EVC2: variants seen among roughly 807,000 people sequenced by gnomAD.
The protein encoded by EVC2 is limbin.
In EVC2, 148 loss-of-function variants were observed where a neutral mutation model predicts 149.3. The observed-to-expected ratio is 0.99, with a 90% CI of 0.87 to 1.14. The LOEUF is 1.14. Among genes scored for constraint, EVC2 ranks in the 50% most tolerant of loss-of-function variants. The probability of loss-of-function intolerance (pLI) is 0.00; values close to 1 mark genes in which losing one functional copy is unlikely to be tolerated. For missense variants in EVC2, 1,854 were observed against 1,627.3 expected (o/e 1.14, Z -2.40); for synonymous variants, 776 against 649.9 (o/e 1.19, Z -2.95).
At chr4:5,648,082 TAC>T (rs1428069650) in intron 9 of EVC2, among the ~76,000 whole-genome samples, 1 of 152,218 alleles carries the variant, frequency 6.6e-6, no homozygotes, top group Non-Finnish European at 1.5e-5. Flanking sequence ...GATAATTTAA[TAC>T]ATTCATTTAA....
At chr4:5,656,073 T>C (rs1718501215) in intron 9 of EVC2, among the ~76,000 whole-genome samples, 1 of 152,182 alleles carries the variant, frequency 6.6e-6, no homozygotes, top group African/African-American at 2.4e-5. Flanking sequence ...GACCTTAGGC[T>C]CTTCCCTCTT....
intron 16 of EVC2, among the ~76,000 whole-genome samples, chr4:5,595,678 A>T (rs375313124): frequency 6.6e-6 from 1 of 152,154 alleles, no homozygotes; most frequent in Non-Finnish European, 1.5e-5. Context: ...CAAAATAACC[A>T]GCTAACATCA....
intron 1 of EVC2, among the ~76,000 whole-genome samples, chr4:5,706,968 C>A (rs1722241427): frequency 6.6e-6 from 1 of 152,146 alleles, no homozygotes; most frequent in Admixed American, 6.5e-5. Context: ...CTGGCAGGGA[C>A]CACCCTCAAC....
intron 7 of EVC2, among the ~76,000 whole-genome samples, chr4:5,671,213 G>A (rs1057241431): frequency 2.0e-5 from 3 of 152,208 alleles, no homozygotes; most frequent in Non-Finnish European, 4.4e-5. Context: ...AGAGTAAGTA[G>A]TAGACCCAAG....
At chr4:5,644,597 C>G (rs1020301954) in intron 9 of EVC2, among the ~76,000 whole-genome samples, 1 of 152,208 alleles carries the variant, frequency 6.6e-6, no homozygotes, top group African/African-American at 2.4e-5. Flanking sequence ...GCCACCGTGT[C>G]TGGCCACCAT....
intron 3 of EVC2, among the ~76,000 whole-genome samples, chr4:5,691,596 C>T (rs1254509685): frequency 2.6e-5 from 4 of 152,214 alleles, no homozygotes; most frequent in African/African-American, 7.2e-5. Context: ...TGTCACAGGG[C>T]TCAGCCAACC....
At chr4:5,668,444 A>G (rs768681652) in intron 7 of EVC2, among the ~76,000 whole-genome samples, 8 of 152,222 alleles carry the variant, frequency 5.3e-5, no homozygotes, top group Non-Finnish European at 1.0e-4. Context: ...TCTTGATCCT[A>G]AATCTTGAAT....
At chr4:5,579,235 C>T (rs1711542238) in intron 17 of EVC2, among the ~76,000 whole-genome samples, 1 of 152,052 alleles carries the variant, frequency 6.6e-6, no homozygotes, top group Admixed American at 6.6e-5. Flanking sequence ...GCTTTGGAGG[C>T]AGGTTTAAAG....
At chr4:5,537,692 T>C in the EVC2 span, among the ~76,000 whole-genome samples, 3 of 152,078 alleles carry the variant, frequency 2.0e-5, no homozygotes, top group African/African-American at 7.2e-5. Flanking sequence ...ACCGGGCAAG[T>C]AAAGAAGCAG....
At chr4:5,571,890 C>T (rs1166527939) in intron 19 of EVC2, among the ~76,000 whole-genome samples, 1 of 152,174 alleles carries the variant, frequency 6.6e-6, no homozygotes, top group Non-Finnish European at 1.5e-5. Context: ...AGCTGAAGGC[C>T]TGGAGAGAAC....
chr4:5,632,187 C>A (rs374286246), intron 10 of EVC2, among the ~76,000 whole-genome samples, 155 bp from the exon 11 acceptor site: 1 of 152,190 alleles, frequency 6.6e-6, no homozygotes, highest in African/African-American at 2.4e-5. Context: ...TACACACATG[C>A]GCATGCAGTG....
rs562272534 is a variant in EVC2 at position 5,630,346 on chromosome 4, G to A, written c.1710+1447C>T. Among the ~76,000 whole-genome samples, 341 of 152,264 alleles carry A rather than the reference G, an allele frequency of 2.2e-3. 1 individual carries two copies. Among genetic ancestry groups the A allele is most frequent in the Non-Finnish European group, 3.6e-3 (243 of 68,020 alleles). ...TTGTCAGTGGTTGGGTGAATGCTGAGGACCTGCTCACAGACGCAGGGAAGG... is the reference window on the plus strand; with the variant it reads ...TTGTCAGTGGTTGGGTGAATGCTGAAGACCTGCTCACAGACGCAGGGAAGG... On this transcript the variant is annotated intron_variant, in intron 11 of 21. Coordinates refer to ENST00000344408, the MANE Select transcript of EVC2 (RefSeq NM_147127.5).
intron 16 of EVC2, among the ~76,000 whole-genome samples, chr4:5,595,393 A>C (rs1409614946): frequency 6.6e-6 from 1 of 152,232 alleles, no homozygotes; most frequent in Non-Finnish European, 1.5e-5. Context: ...TACAAGCCAG[A>C]AGAGAGTGGG....
rs769078201 is a variant in EVC2, at chr4:5,628,655, T to G, written c.1790A>C (p.Tyr597Ser). The G allele has an allele frequency of 1.2e-6, 2 of 1,613,986 alleles. No individual in the cohort carries two copies. Among genetic ancestry groups the G allele is most frequent in the Non-Finnish European group, 1.7e-6 (2 of 1,180,014 alleles). The change falls in exon 12 of 22, where the codon TAT (tyrosine) becomes TCT (serine). Residue 597 changes from tyrosine to serine, a missense_variant. Physicochemically the swap from Tyr to Ser is moderately radical, Grantham distance 144 (BLOSUM62 -2). Coordinates refer to ENST00000344408, the MANE Select transcript of EVC2 (RefSeq NM_147127.5). ...HLSKRFGHRE[Y>S]LVQNLQSSET... Reference sequence around the variant, plus strand: ...TGATGACTGGAGGTTCTGGACCAGATATTCCCTGTGGCCAAATCTTTTACT... The same window carrying G: ...TGATGACTGGAGGTTCTGGACCAGAGATTCCCTGTGGCCAAATCTTTTACT...
intron 11 of EVC2, among the ~76,000 whole-genome samples, chr4:5,629,327 C>T (rs1317925160): frequency 1.3e-5 from 2 of 152,216 alleles, no homozygotes; most frequent in Non-Finnish European, 2.9e-5. Context: ...CCTAGGGAGA[C>T]AGTACTATTA....
chr4:5,681,446 G>C, intron 6 of EVC2, 133 bp from the exon 7 acceptor site: 1 of 891,160 alleles, frequency 1.1e-6, no homozygotes, highest in Non-Finnish European at 1.8e-6. Flanking sequence ...GTCAGAGCTT[G>C]TGAAGGTCTC....
chr4:5,706,325 G>C (rs1342938736), intron 1 of EVC2, among the ~76,000 whole-genome samples: 49 of 101,432 alleles, frequency 4.8e-4, no homozygotes, highest in African/African-American at 1.8e-3. Context: ...TAGATACATA[G>C]ATAGATAGAT....
chr4:5,581,576 G>A (rs906060048), intron 17 of EVC2, among the ~76,000 whole-genome samples: 2 of 152,212 alleles, frequency 1.3e-5, no homozygotes, highest in African/African-American at 2.4e-5. Context: ...AAGCAGCAAA[G>A]CATTCAAGAT....
intron 16 of EVC2, among the ~76,000 whole-genome samples, chr4:5,591,418 G>A (rs148510421): frequency 4.6e-5 from 7 of 152,262 alleles, no homozygotes; most frequent in East Asian, 1.9e-4. Flanking sequence ...CCTGCCATGC[G>A]CTAGGGTTTT....
Sources: gnomAD v4.1 joint callset for allele counts (sites outside exome capture counted in the v4.1 genomes callset) on GRCh38, gnomAD v4.1.1 for gene constraint, MANE v1.5 for transcripts, NCBI Gene and HGNC (gene_info 2026-07-23, HGNC 2026-07-21) for gene names.